GET3: variants seen among roughly 807,000 people sequenced by gnomAD.
GET3 encodes ATPase GET3.
GET3 carries 15 observed loss-of-function variants against 32.4 expected under a neutral mutation model. That is an observed-to-expected ratio of 0.46 (90% CI 0.31 to 0.71). The LOEUF (loss-of-function observed/expected upper bound fraction) is 0.71. GET3 is among the 30% of genes least tolerant of loss of function. The pLI, the probability that GET3 is intolerant of heterozygous loss-of-function variation, is 0.05. For missense variants in GET3, 333 were observed against 459.0 expected (o/e 0.73, Z 2.51); for synonymous variants, 198 against 185.6 (o/e 1.07, Z -0.54).
chr19:12,740,859 T>C (rs1206628263), intron 2 of GET3, among the ~76,000 whole-genome samples: 1 of 151,612 alleles, frequency 6.6e-6, no homozygotes, highest in Admixed American at 6.6e-5. Flanking sequence ...GAGATGAGGG[T>C]GTTGGCAGCC....
Position 12,747,656 on chromosome 19 carries a change from T to C in GET3, c.915+64T>C. ...CTCTGCCCCTTTATTCTCTGATCTTTTGCTCCACCATCTGGCCCTCTGCCC... is the reference window on the plus strand; with the variant it reads ...CTCTGCCCCTTTATTCTCTGATCTTCTGCTCCACCATCTGGCCCTCTGCCC... On this transcript the variant is annotated intron_variant, in intron 6 of 6. Coordinates refer to ENST00000357332, the MANE Select transcript of GET3 (RefSeq NM_004317.4). The surrounding 1 kb of genome is among the most constrained non-coding windows in gnomAD (Gnocchi z 4.0). 2 of 1,551,952 alleles carry C rather than the reference T, an allele frequency of 1.3e-6. No homozygotes were observed. The highest frequency in any genetic ancestry group is 1.8e-5 in the Admixed American group (1 of 54,062).
At chr19:12,741,372 C>T (rs997706336) in intron 2 of GET3, among the ~76,000 whole-genome samples, 1 of 151,626 alleles carries the variant, frequency 6.6e-6, no homozygotes. Flanking sequence ...AGGAGAATGG[C>T]GTGAACGCGG....
chr19:12,746,384 C>T (rs8177489), intron 4 of GET3, among the ~76,000 whole-genome samples: 4,338 of 152,226 alleles, frequency 0.028, 196 homozygotes, highest in African/African-American at 0.098. Context: ...ACACCCACTT[C>T]GACCTCCCAG....
intron 2 of GET3, among the ~76,000 whole-genome samples, chr19:12,739,355 A>G (rs775913388): frequency 2.0e-5 from 3 of 152,150 alleles, no homozygotes; most frequent in Non-Finnish European, 4.4e-5. Flanking sequence ...TTTAGGAGAC[A>G]GGTTTTCACC....
intron 2 of GET3, among the ~76,000 whole-genome samples, chr19:12,743,029 C>T (rs1332106515): frequency 6.6e-6 from 1 of 152,010 alleles, no homozygotes; most frequent in African/African-American, 2.4e-5. Flanking sequence ...TGAAGTAGTC[C>T]AAAGAAGCTT....
At position 12,745,696 on chromosome 19, in the gene GET3, CG is replaced by C; in HGVS notation, c.547del (p.Val183TrpfsTer31). 1 of 1,612,984 alleles carries C rather than the reference CG, an allele frequency of 6.2e-7. No homozygotes were observed. Among genetic ancestry groups the C allele is most frequent in the Non-Finnish European group, 8.5e-7 (1 of 1,179,952 alleles). On this transcript the variant is annotated frameshift_variant, in exon 4 of 7. Transcript: ENST00000357332. LOFTEE classifies it high-confidence loss of function. This position sits in a 1 kb window ranked among gnomAD's most constrained non-coding sequence, Gnocchi z 5.0. ...TLRLLNFPTI[V>X]ERGLGRLMQI... is the part of the protein sequence containing the mutation. The stretch of plus-strand genomic sequence containing the variant: ...TGAGGCTGCTCAACTTCCCCACCAT[CG>C]TGGAGCGGGGCCTGGGCCGGCTTAT...
rs1343385346 is a variant in GET3 at position 12,747,020 on chromosome 19, A to AG, written c.610-177_610-176insG. On this transcript the variant is annotated intron_variant, in intron 4 of 6. Coordinates refer to ENST00000357332, the MANE Select transcript of GET3 (RefSeq NM_004317.4). The surrounding 1 kb of genome is among the most constrained non-coding windows in gnomAD (Gnocchi z 4.0). ...GTGAGACTCCATTTCAAAAAAAAAA[A>AG]AAAAAGAAAGAAAGAAATGGAAAAG... Among the ~76,000 whole-genome samples, 2 of 151,948 alleles carry AG rather than the reference A, an allele frequency of 1.3e-5. No individual in the cohort carries two copies. Among genetic ancestry groups the AG allele is most frequent in the Non-Finnish European group, 2.9e-5 (2 of 67,978 alleles).
chr19:12,738,631 C>T lies in GET3; in HGVS notation c.282C>T (p.Val94=), dbSNP rs763376153. The T allele has an allele frequency of 6.2e-7, 1 of 1,614,214 alleles. No individual in the cohort carries two copies. Among genetic ancestry groups the T allele is most frequent in the East Asian group, 2.2e-5 (1 of 44,886 alleles). Residue 94 remains valine, a synonymous_variant, in exon 2 of 7, where the codon GTC becomes GTT. Transcript: ENST00000357332. The stretch of plus-strand genomic sequence containing the variant: ...AGTTCTCAAAGGTGCCTACCAAGGT[C>T]AAAGGCTATGACAACCTCTTTGCTA... The part of the protein sequence containing the change: ...DQKFSKVPTK[V]KGYDNLFAME...
rs766587813 is a variant in GET3, at chr19:12,747,537, A to G, written c.860A>G (p.Lys287Arg). 1.9e-6 allele frequency: 3 copies of G among 1,613,908 alleles called. No homozygotes were observed. The highest frequency in any genetic ancestry group is 3.3e-5 in the Admixed American group (2 of 60,000). ...VNQLVFPDPE[K>R]PCKMCEARHK... The stretch of plus-strand genomic sequence containing the variant: ...CAGCTCGTCTTCCCCGACCCCGAGA[A>G]GCCCTGCAAGATGTGTGAGGCCCGT... The change falls in exon 6 of 7, where the codon AAG becomes AGG. Residue 287 changes from lysine (K) to arginine (R), a missense_variant. Coordinates refer to ENST00000357332, the MANE Select transcript of GET3 (RefSeq NM_004317.4). This position sits in a 1 kb window ranked among gnomAD's most constrained non-coding sequence, Gnocchi z 4.0.
At chr19:12,744,597 G>A (rs540494244) in intron 2 of GET3, among the ~76,000 whole-genome samples, 1 of 152,304 alleles carries the variant, frequency 6.6e-6, no homozygotes, top group Admixed American at 6.5e-5. Flanking sequence ...TGGAATTACA[G>A]GCATGAGGTA....
At chr19:12,737,728 C>T in intron 1 of GET3, 62 bp downstream of exon 1, 2 of 1,520,436 alleles carry the variant, frequency 1.3e-6, no homozygotes, top group Non-Finnish European at 1.7e-6. Flanking sequence ...GAAGGGGAGG[C>T]CAAGGACCGG....
Position 12,747,071 on chromosome 19 carries a change from C to G in GET3, c.610-126C>G, listed in dbSNP as rs1967786099. 4.8e-6 allele frequency: 3 copies of G among 618,874 alleles called. No individual in the cohort carries two copies. The East Asian group carries it at 8.9e-5, about 18-fold the overall frequency. 38.3% of individuals were successfully genotyped at this position (618,874 alleles called of 1,614,324 possible). ...CTAGTATTTGACCAACCCCAGGAAT[C>G]TGCTTATGGGCCTGAGCCTTTAACC... is the stretch of plus-strand genomic sequence containing the variant. On this transcript the variant is annotated intron_variant, in intron 4 of 6. Coordinates refer to ENST00000357332, the MANE Select transcript of GET3 (RefSeq NM_004317.4). The surrounding 1 kb of genome is among the most constrained non-coding windows in gnomAD (Gnocchi z 4.0).
chr19:12,748,188 C>A lies in GET3; in HGVS notation c.*84C>A, dbSNP rs1967811649. ...CTCGGGGCAGAGTTTGCACAAAGTCCCCCCCATAATACAGGGGGAGCCACT... is the reference window on the plus strand; with the variant it reads ...CTCGGGGCAGAGTTTGCACAAAGTCACCCCCATAATACAGGGGGAGCCACT... On this transcript the variant is annotated 3_prime_UTR_variant, in exon 7 of 7. Coordinates refer to ENST00000357332, the MANE Select transcript of GET3 (RefSeq NM_004317.4). 1.5e-6 allele frequency: 2 copies of A among 1,345,630 alleles called. No individual in the cohort carries two copies. Among genetic ancestry groups the A allele is most frequent in the South Asian group, 3.1e-5 (2 of 64,622 alleles). The allele number at this position is 1,345,630 out of a possible 1,614,324, so 83.4% of individuals were successfully genotyped here. A position where few individuals can be genotyped will look rare whatever the true frequency, so the allele number is the denominator to read the frequency against.
chr19:12,743,220 G>A (rs1967701753), intron 2 of GET3, among the ~76,000 whole-genome samples: 1 of 152,192 alleles, frequency 6.6e-6, no homozygotes, highest in Admixed American at 6.5e-5. Flanking sequence ...GCTCATACCT[G>A]TAATCCCAGC....
At chr19:12,743,018 A>G (rs918134277) in intron 2 of GET3, among the ~76,000 whole-genome samples, 1 of 152,116 alleles carries the variant, frequency 6.6e-6, no homozygotes, top group African/African-American at 2.4e-5. Context: ...AGGTGAGGGG[A>G]TGAAGTAGTC....
At chr19:12,739,633 G>C (rs536520115) in intron 2 of GET3, among the ~76,000 whole-genome samples, 2 of 152,344 alleles carry the variant, frequency 1.3e-5, no homozygotes, top group East Asian at 3.9e-4. Flanking sequence ...CAGTGAATCT[G>C]AGTTGCCCAC....
intron 2 of GET3, among the ~76,000 whole-genome samples, chr19:12,740,124 T>C (rs1011661883): frequency 1.3e-5 from 2 of 151,796 alleles, no homozygotes; most frequent in African/African-American, 4.8e-5. Context: ...GGCTCACTCC[T>C]GTCATCCCAG....
At chr19:12,738,793 T>A in intron 2 of GET3, 135 bp downstream of exon 2, 1 of 1,190,490 alleles carries the variant, frequency 8.4e-7, no homozygotes, top group Non-Finnish European at 1.2e-6. Context: ...TTCCTCAACA[T>A]ACTCACAAGG....
At chr19:12,741,004 G>A (rs2145687233) in intron 2 of GET3, among the ~76,000 whole-genome samples, 1 of 152,330 alleles carries the variant, frequency 6.6e-6, no homozygotes, top group South Asian at 2.1e-4. Context: ...GGATCATCAA[G>A]TGCCCATTGG....
Sources: gnomAD v4.1 joint callset for allele counts (sites outside exome capture counted in the v4.1 genomes callset) on GRCh38, gnomAD v4.1.1 for gene constraint, Gnocchi (gnomAD v3.1) non-coding constraint, MANE v1.5 for transcripts, NCBI Gene and HGNC (gene_info 2026-07-23, HGNC 2026-07-21) for gene names.